Variants in WDR59 observed in about 807,000 individuals in gnomAD.
The protein encoded by WDR59 is WD repeat domain 59.
Under a neutral mutation model 131.2 loss-of-function variants are expected in WDR59, and 100 were observed. The ratio of observed to expected loss-of-function variants is 0.76; its 90% CI spans 0.65 to 0.90. WDR59 has a LOEUF of 0.90. Ranked by LOEUF, WDR59 falls within the 40% of genes least tolerant of loss-of-function variation. The pLI, the probability that WDR59 is intolerant of heterozygous loss-of-function variation, is 0.00. For synonymous variants in WDR59, 601 were observed against 466.2 expected, an observed-to-expected ratio of 1.29 and a Z score of -3.72; for missense variants, 1,203 against 1,262.2, an observed-to-expected ratio of 0.95 and a Z score of 0.71.
At chr16:74,938,935 A>G (rs775622033) in intron 7 of WDR59, among the ~76,000 whole-genome samples, 1 of 152,144 alleles carries the variant, frequency 6.6e-6, no homozygotes, top group Non-Finnish European at 1.5e-5. Context: ...AGCTTCAACA[A>G]GAGGGTAAAA....
intron 18 of WDR59, among the ~76,000 whole-genome samples, chr16:74,898,095 T>G (rs759002427): frequency 2.0e-5 from 3 of 152,176 alleles, no homozygotes; most frequent in Non-Finnish European, 2.9e-5. Context: ...CCTAAGAAAT[T>G]TTCCCCTTAA....
intron 8 of WDR59, among the ~76,000 whole-genome samples, chr16:74,936,402 A>G (rs902376761): frequency 2.6e-5 from 4 of 152,146 alleles, no homozygotes; most frequent in African/African-American, 9.7e-5. Flanking sequence ...AGGAAACCCC[A>G]GACTCACAGG....
At position 74,961,259 on chromosome 16, in the gene WDR59, G is replaced by A. The variant is rs148177656; in HGVS notation, c.104+4514C>T. Among the ~76,000 whole-genome samples the A allele has an allele frequency of 2.0e-3, 305 of 152,090 alleles. 1 individual carries two copies. Among genetic ancestry groups the A allele is most frequent in the Non-Finnish European group, 3.5e-3 (240 of 67,976 alleles). On this transcript the variant is annotated intron_variant, in intron 2 of 25. Transcript: ENST00000262144. ...GGAAGTCGAGACTGCAGTGAGCCGT[G>A]ATCTGCATTCCAGCCTAGGCAACAG...
At chr16:74,960,638 G>A (rs2033517204) in intron 2 of WDR59, among the ~76,000 whole-genome samples, 1 of 151,736 alleles carries the variant, frequency 6.6e-6, no homozygotes, top group Admixed American at 6.6e-5. Context: ...CCAGCTACCT[G>A]GGAGGCTGAG....
At chr16:74,900,546 C>T (rs1965504462) in intron 18 of WDR59, among the ~76,000 whole-genome samples, 1 of 152,092 alleles carries the variant, frequency 6.6e-6, no homozygotes, top group South Asian at 2.1e-4. Flanking sequence ...AAAGCTTATC[C>T]TAAGTTCTGG....
intron 8 of WDR59, 117 bp from the exon 9 acceptor site, chr16:74,924,120 A>G (rs1179516335): frequency 6.1e-6 from 6 of 989,126 alleles, no homozygotes; most frequent in African/African-American, 3.2e-5. Context: ...CTTCAACAAC[A>G]TATTTTTAGT....
intron 14 of WDR59, among the ~76,000 whole-genome samples, chr16:74,910,341 G>C (rs1180350965): frequency 6.6e-6 from 1 of 152,146 alleles, no homozygotes; most frequent in Non-Finnish European, 1.5e-5. Flanking sequence ...GTTAAGTCAA[G>C]GCTTCCAACA....
At position 74,893,759 on chromosome 16, in the gene WDR59, C is replaced by A. The variant is rs1965156267; in HGVS notation, c.1920G>T (p.Gln640His). The change falls in exon 19 of 26, where the codon CAG becomes CAT. Residue 640 changes from glutamine (Q) to histidine (H), a missense_variant. Physicochemically the swap from Gln to His is conservative, Grantham distance 24 (BLOSUM62 0). Transcript: ENST00000262144. ...KREGSDSGNR[Q>H]IKAAGKVIIQ... The stretch of plus-strand genomic sequence containing the variant: ...TGATGACTTTCCCAGCAGCCTTGAT[C>A]TGTCGATTGCCAGAGTCTGATCCCT... The A allele has an allele frequency of 1.9e-6, 3 of 1,614,104 alleles. No homozygotes were observed. Among genetic ancestry groups the A allele is most frequent in the Non-Finnish European group, 2.5e-6 (3 of 1,180,044 alleles).
At chr16:74,918,908 T>C (rs769116779) in intron 10 of WDR59, among the ~76,000 whole-genome samples, 25 of 152,242 alleles carry the variant, frequency 1.6e-4, no homozygotes, top group Non-Finnish European at 2.5e-4. Context: ...CTCTTCAATA[T>C]TTCATACATC....
intron 3 of WDR59, among the ~76,000 whole-genome samples, chr16:74,954,303 G>A (rs1017353737): frequency 3.3e-5 from 5 of 152,174 alleles, no homozygotes; most frequent in Admixed American, 2.6e-4. Context: ...AGCTACTTGG[G>A]AGGCTGAGGC....
Position 74,909,597 on chromosome 16 carries a change from A to AG in WDR59, c.1545dup (p.Pro517ThrfsTer22), listed in dbSNP as rs1172589426. The AG allele has an allele frequency of 5.0e-6, 8 of 1,609,366 alleles. No homozygotes were observed. The highest frequency in any genetic ancestry group is 1.3e-5 in the African/African-American group (1 of 74,622). ...GTGGTCACCCGCGCAAACGTCGGTA[A>AG]GGGGGGAGTGACAGAGTTGGGGAGT... On this transcript the variant is annotated frameshift_variant, in exon 16 of 26. Coordinates refer to ENST00000262144, the MANE Select transcript of WDR59 (RefSeq NM_030581.4). LOFTEE classifies it high-confidence loss of function.
intron 1 of WDR59, among the ~76,000 whole-genome samples, chr16:74,967,406 G>C (rs534610263): frequency 3.3e-5 from 5 of 152,060 alleles, no homozygotes; most frequent in Non-Finnish European, 7.4e-5. Flanking sequence ...AATCTTTCTG[G>C]GGAGTCTGTG....
chr16:74,975,828 T>C (rs2034158131), intron 1 of WDR59, among the ~76,000 whole-genome samples: 1 of 151,660 alleles, frequency 6.6e-6, no homozygotes, highest in African/African-American at 2.4e-5. Context: ...CTCCCATTCA[T>C]CACCACATCT....
chr16:74,955,086 G>C (rs1465589325), intron 3 of WDR59, among the ~76,000 whole-genome samples: 2 of 152,234 alleles, frequency 1.3e-5, no homozygotes, highest in African/African-American at 4.8e-5. Flanking sequence ...ATACTGAATT[G>C]TTCACTTTAA....
In WDR59 at chr16:74,942,823, C is replaced by G. The variant is rs1011289428; in HGVS notation, c.449G>C (p.Gly150Ala). ...TTTATTCCATTTGACCTGGGAGGCA[C>G]CCGCTGCAAAGAAAAATCAGGGAAG... is the stretch of plus-strand genomic sequence containing the variant. ...KPTVALSAVA[G>A]ASQVKWNKKN... The change falls in exon 7 of 26, where the codon GGT becomes GCT. Residue 150 changes from glycine to alanine, a missense_variant. Coordinates refer to ENST00000262144, the MANE Select transcript of WDR59 (RefSeq NM_030581.4). 1.2e-6 allele frequency: 2 copies of G among 1,613,238 alleles called. No homozygotes were observed. The highest frequency in any genetic ancestry group is 8.5e-7 in the Non-Finnish European group (1 of 1,179,706).
chr16:74,969,198 G>C (rs750653579), intron 1 of WDR59, among the ~76,000 whole-genome samples: 2 of 152,170 alleles, frequency 1.3e-5, no homozygotes, highest in Non-Finnish European at 2.9e-5. Flanking sequence ...CAGGTTAGAG[G>C]TGTAAAGTGG....
At chr16:74,981,298 C>A (rs1033248469) in intron 1 of WDR59, among the ~76,000 whole-genome samples, 3 of 151,112 alleles carry the variant, frequency 2.0e-5, no homozygotes, top group Admixed American at 1.3e-4. Flanking sequence ...ATGCCGTGAA[C>A]CTGGGAGGCA....
At position 74,894,015 on chromosome 16, in the gene WDR59, T is replaced by C. The variant is rs577695243; in HGVS notation, c.1867-203A>G. ...TCCTAACAGGAAAATAAGCACCTAC[T>C]GCCAGGCTAGATACATTCTGCAGGT... On this transcript the variant is annotated intron_variant, in intron 18 of 25. Coordinates refer to ENST00000262144, the MANE Select transcript of WDR59 (RefSeq NM_030581.4). The C allele has an allele frequency of 1.9e-4, 106 of 545,116 alleles. 1 individual carries two copies. In the South Asian group the frequency reaches 3.0e-3, roughly 16 times the overall value. The allele number at this position is 545,116 out of a possible 1,614,324, so 33.8% of individuals were successfully genotyped here.
chr16:74,916,282 T>C (rs749239228), intron 11 of WDR59, 23 bp from the exon 12 acceptor site: 15 of 1,613,150 alleles, frequency 9.3e-6, no homozygotes, highest in African/African-American at 1.3e-5. Flanking sequence ...GTAGAAGATG[T>C]AGTTCTAGAG....
Sources: gnomAD v4.1 joint callset for allele counts (sites outside exome capture counted in the v4.1 genomes callset) on GRCh38, gnomAD v4.1.1 for gene constraint, MANE v1.5 for transcripts, NCBI Gene and HGNC (gene_info 2026-07-23, HGNC 2026-07-21) for gene names.